FAM171A1: variants seen among roughly 807,000 people sequenced by gnomAD.
The protein encoded by FAM171A1 is protein FAM171A1.
Under a neutral mutation model 74.9 loss-of-function variants are expected in FAM171A1, and 23 were observed. The ratio of observed to expected loss-of-function variants is 0.31; its 90% CI spans 0.22 to 0.44. FAM171A1 has a LOEUF of 0.44. FAM171A1 is among the 20% of genes least tolerant of loss of function. The pLI, the probability that FAM171A1 is intolerant of heterozygous loss-of-function variation, is 1.00. For synonymous variants in FAM171A1, 527 were observed against 505.7 expected (o/e 1.04, Z -0.57); for missense variants, 1,162 against 1,159.2 (o/e 1.00, Z -0.03).
At chr10:15,331,859 G>GTTTATACATATATATA in intron 1 of FAM171A1, among the ~76,000 whole-genome samples, 1 of 44,930 alleles carries the variant, frequency 2.2e-5, no homozygotes, top group African/African-American at 8.7e-5. Context: ...ATATATGTGT[G>GTTTATACATATATATA]TATATATATG....
chr10:15,335,348 T>C (rs1165721312), intron 1 of FAM171A1, among the ~76,000 whole-genome samples: 2 of 152,222 alleles, frequency 1.3e-5, no homozygotes, highest in African/African-American at 2.4e-5. Flanking sequence ...TCAAACAAGT[T>C]ACCTCATTTT....
chr10:15,232,234 C>T (rs1293623003), intron 5 of FAM171A1, among the ~76,000 whole-genome samples: 5 of 152,112 alleles, frequency 3.3e-5, no homozygotes, highest in East Asian at 1.9e-4. Context: ...ATGTCCTGTC[C>T]CCGAGATAAG....
intron 1 of FAM171A1, among the ~76,000 whole-genome samples, chr10:15,357,178 G>C (rs1015510589): frequency 4.6e-5 from 7 of 152,130 alleles, no homozygotes; most frequent in African/African-American, 1.7e-4. Context: ...AGCTACTCGG[G>C]AGGCTGAGGC....
intron 6 of FAM171A1, among the ~76,000 whole-genome samples, chr10:15,220,500 A>T (rs1362381121): frequency 6.6e-6 from 1 of 152,240 alleles, no homozygotes; most frequent in Non-Finnish European, 1.5e-5. Context: ...GATACAAAGC[A>T]ACTGGTTTAC....
chr10:15,275,782 G>T, intron 3 of FAM171A1, 73 bp downstream of exon 3: 1 of 1,011,124 alleles, frequency 9.9e-7, no homozygotes, highest in Non-Finnish European at 1.5e-6. Context: ...ACATCACATT[G>T]TACACCATAA....
At chr10:15,241,802 T>C (rs1416645544) in intron 5 of FAM171A1, 1 of 152,204 alleles carries the variant, frequency 6.6e-6, no homozygotes, top group African/African-American at 2.4e-5. Flanking sequence ...TACAGTCCTA[T>C]TAACAACAGT....
intron 4 of FAM171A1, among the ~76,000 whole-genome samples, chr10:15,250,739 G>A (rs1834497269): frequency 6.6e-6 from 1 of 152,154 alleles, no homozygotes; most frequent in Admixed American, 6.5e-5. Flanking sequence ...CATCCTGGGT[G>A]ACAGAGTGAC....
chr10:15,223,359 C>G lies in FAM171A1; in HGVS notation c.755-2299G>C, dbSNP rs544371636. Among the ~76,000 whole-genome samples, 152 of 152,320 alleles carry G rather than the reference C, an allele frequency of 1.0e-3. 1 individual carries two copies. The highest frequency in any genetic ancestry group is 3.4e-3 in the Middle Eastern group (1 of 294). On this transcript the variant is annotated intron_variant, in intron 5 of 7. Coordinates refer to ENST00000378116, the MANE Select transcript of FAM171A1 (RefSeq NM_001010924.2). ...CACTACAGTGATGCTCTCAGCCTCT[C>G]TGCATCAGCCAGGAAAGGGCTGTGC... is the stretch of plus-strand genomic sequence containing the variant.
At chr10:15,292,902 T>C (rs1045663437) in intron 1 of FAM171A1, among the ~76,000 whole-genome samples, 1 of 1,286 alleles carries the variant, frequency 7.8e-4, no homozygotes, top group Non-Finnish European at 0.016. Flanking sequence ...CCAGCACTTA[T>C]TCAATTTTTT....
chr10:15,297,984 G>A (rs896296687), intron 1 of FAM171A1, among the ~76,000 whole-genome samples: 4 of 152,110 alleles, frequency 2.6e-5, no homozygotes, highest in Non-Finnish European at 5.9e-5. Context: ...TGCTCCAACT[G>A]TACAACTTAC....
chr10:15,291,261 C>A (rs1835099082), intron 1 of FAM171A1, among the ~76,000 whole-genome samples: 1 of 152,272 alleles, frequency 6.6e-6, no homozygotes, highest in East Asian at 1.9e-4. Context: ...CTAGAGCCAG[C>A]AGGTGGTCAA....
At chr10:15,292,081 T>G (rs1835108282) in intron 1 of FAM171A1, among the ~76,000 whole-genome samples, 2 of 152,186 alleles carry the variant, frequency 1.3e-5, no homozygotes, top group Admixed American at 6.5e-5. Context: ...ATTAGGTATC[T>G]GGTGAGGGCT....
chr10:15,288,408 C>G (rs114423991), intron 1 of FAM171A1, among the ~76,000 whole-genome samples: 3 of 151,936 alleles, frequency 2.0e-5, no homozygotes, highest in Non-Finnish European at 4.4e-5. Flanking sequence ...ACCCATCACC[C>G]GAGCAGTATA....
At chr10:15,250,683 C>A (rs1834496456) in intron 4 of FAM171A1, among the ~76,000 whole-genome samples, 1 of 152,144 alleles carries the variant, frequency 6.6e-6, no homozygotes, top group African/African-American at 2.4e-5. Context: ...TCACTTGAGC[C>A]TGGGAAGTGA....
At chr10:15,323,522 G>A (rs1473707966) in intron 1 of FAM171A1, among the ~76,000 whole-genome samples, 3 of 152,014 alleles carry the variant, frequency 2.0e-5, no homozygotes, top group East Asian at 1.9e-4. Flanking sequence ...AGATGGCAAT[G>A]GTATCATCAT....
At chr10:15,302,340 C>G (rs1421771865) in intron 1 of FAM171A1, among the ~76,000 whole-genome samples, 1 of 152,080 alleles carries the variant, frequency 6.6e-6, no homozygotes, top group Non-Finnish European at 1.5e-5. Flanking sequence ...TGGCAGGCGC[C>G]TGTAATCCCA....
chr10:15,234,426 C>G (rs2131737217), intron 5 of FAM171A1, among the ~76,000 whole-genome samples: 1 of 152,048 alleles, frequency 6.6e-6, no homozygotes, highest in East Asian at 1.9e-4. Context: ...GCAAAGCAGC[C>G]AAAGCAGAAA....
At chr10:15,366,069 TAAG>T (rs1836057543) in intron 1 of FAM171A1, among the ~76,000 whole-genome samples, 1 of 152,226 alleles carries the variant, frequency 6.6e-6, no homozygotes, top group Admixed American at 6.5e-5. Context: ...ATTTCTTTTT[TAAG>T]AAACAGTTAT....
chr10:15,246,188 C>T (rs1011580752), intron 5 of FAM171A1, among the ~76,000 whole-genome samples: 3 of 152,070 alleles, frequency 2.0e-5, no homozygotes, highest in Non-Finnish European at 2.9e-5. Context: ...CACACACCAT[C>T]AATGAAGTGC....
Sources: allele counts gnomAD v4.1 joint callset (sites outside exome capture counted in the v4.1 genomes callset), GRCh38; gene constraint gnomAD v4.1.1; transcripts MANE v1.5; gene names NCBI Gene and HGNC (gene_info 2026-07-23, HGNC 2026-07-21).